The following RAB3C variants were observed in gnomAD, a reference collection of about 807,000 sequenced individuals.
RAB3C encodes ras-related protein Rab-3C.
In RAB3C, 17 loss-of-function variants were observed where a neutral mutation model predicts 26.4. The ratio of observed to expected loss-of-function variants is 0.64; its 90% CI spans 0.44 to 0.97. The LOEUF is 0.97. RAB3C is among the 50% of genes least tolerant of loss of function. RAB3C has a pLI of 0.00. For synonymous variants in RAB3C, 91 were observed against 95.9 expected, an observed-to-expected ratio of 0.95 and a Z score of 0.30; for missense variants, 242 against 281.9, an observed-to-expected ratio of 0.86 and a Z score of 1.01.
intron 3 of RAB3C, among the ~76,000 whole-genome samples, chr5:58,761,061 TCTCACA>T (rs1741787706): frequency 3.2e-5 from 4 of 126,544 alleles, no homozygotes; most frequent in South Asian, 2.5e-4. Context: ...TCTCTCTCTC[TCTCACA>T]CACACACACA....
intron 2 of RAB3C, 79 bp from the exon 3 acceptor site, chr5:58,725,923 C>CT (rs1430420895): frequency 8.5e-6 from 7 of 822,212 alleles, no homozygotes; most frequent in African/African-American, 1.7e-5. Context: ...TATTGTGACT[C>CT]TTTTTGGAAT....
At chr5:58,695,295 G>T (rs545485172) in intron 2 of RAB3C, among the ~76,000 whole-genome samples, 9 of 152,214 alleles carry the variant, frequency 5.9e-5, no homozygotes, top group African/African-American at 2.2e-4. Context: ...CTCTGTTTTG[G>T]TACCATACCA....
chr5:58,707,822 A>G (rs1404332193), intron 2 of RAB3C, among the ~76,000 whole-genome samples: 1 of 152,132 alleles, frequency 6.6e-6, no homozygotes, highest in Middle Eastern at 3.2e-3. Context: ...CTGAAAATGA[A>G]TGATAGGGAA....
chr5:58,760,693 C>T (rs1374305576), intron 3 of RAB3C, among the ~76,000 whole-genome samples: 2 of 152,164 alleles, frequency 1.3e-5, no homozygotes, highest in Non-Finnish European at 2.9e-5. Context: ...ATGAAAAATA[C>T]TGATTATTGA....
chr5:58,611,219 A>G (rs1746693541), intron 1 of RAB3C, among the ~76,000 whole-genome samples: 1 of 150,868 alleles, frequency 6.6e-6, no homozygotes, highest in African/African-American at 2.4e-5. Flanking sequence ...ATAATAGAAC[A>G]ATGTCTGGTC....
At chr5:58,734,642 AC>A (rs1474564107) in intron 3 of RAB3C, among the ~76,000 whole-genome samples, 1 of 152,038 alleles carries the variant, frequency 6.6e-6, no homozygotes, top group Non-Finnish European at 1.5e-5. Context: ...AACTCAAAAC[AC>A]CCTGTTTCCT....
chr5:58,681,645 T>C (rs1449514946), intron 2 of RAB3C, among the ~76,000 whole-genome samples: 1 of 152,190 alleles, frequency 6.6e-6, no homozygotes, highest in African/African-American at 2.4e-5. Context: ...AGAGGAATCA[T>C]TTGTATTTGG....
At chr5:58,839,585 G>A (rs1166407096) in intron 4 of RAB3C, among the ~76,000 whole-genome samples, 3 of 151,906 alleles carry the variant, frequency 2.0e-5, no homozygotes, top group African/African-American at 7.3e-5. Flanking sequence ...GGTTAGGTTG[G>A]TCAAGAACTC....
At chr5:58,612,993 C>G (rs1345525970) in intron 1 of RAB3C, among the ~76,000 whole-genome samples, 1 of 152,038 alleles carries the variant, frequency 6.6e-6, no homozygotes, top group Non-Finnish European at 1.5e-5. Flanking sequence ...CTCATCAGAT[C>G]CACAGAATGG....
intron 3 of RAB3C, among the ~76,000 whole-genome samples, chr5:58,796,249 CT>C (rs1742647514): frequency 1.3e-5 from 2 of 152,158 alleles, no homozygotes; most frequent in Admixed American, 6.5e-5. Flanking sequence ...CTTGGACCAT[CT>C]TTGAAGAAAG....
rs1226842035 is a variant in RAB3C, at chr5:58,661,528, C to T, written c.252+43658C>T. On this transcript the variant is annotated intron_variant, in intron 2 of 4. Coordinates refer to ENST00000282878, the MANE Select transcript of RAB3C (RefSeq NM_138453.4). ...TCCAATAATTTAAGGGTTAAAGACCCATTGGAGCAAATGACAATGCAGCTG... is the reference window on the plus strand; with the variant it reads ...TCCAATAATTTAAGGGTTAAAGACCTATTGGAGCAAATGACAATGCAGCTG... Among the ~76,000 whole-genome samples, 6 of 148,880 alleles carry T rather than the reference C, an allele frequency of 4.0e-5. 1 individual carries two copies. The highest frequency in any genetic ancestry group is 1.6e-4 in the African/African-American group (6 of 38,606).
chr5:58,770,659 ACCTTGGG>A (rs1294408103), intron 3 of RAB3C, among the ~76,000 whole-genome samples: 3 of 152,136 alleles, frequency 2.0e-5, no homozygotes, highest in Non-Finnish European at 4.4e-5. Context: ...TTCTTTAAAA[ACCTTGGG>A]ATCTCTTTAA....
chr5:58,643,365 G>A (rs1451902726), intron 2 of RAB3C, among the ~76,000 whole-genome samples: 3 of 152,190 alleles, frequency 2.0e-5, no homozygotes, highest in East Asian at 1.9e-4. Flanking sequence ...AATGACATAA[G>A]TATCAGTTGG....
chr5:58,701,433 C>T (rs1748840444), intron 2 of RAB3C, among the ~76,000 whole-genome samples: 1 of 152,176 alleles, frequency 6.6e-6, no homozygotes, highest in Non-Finnish European at 1.5e-5. Context: ...GTTTACTTAT[C>T]TCTCCCAGGA....
intron 3 of RAB3C, among the ~76,000 whole-genome samples, chr5:58,728,975 C>G (rs1561302441): frequency 6.6e-6 from 1 of 151,916 alleles, no homozygotes; most frequent in Non-Finnish European, 1.5e-5. Context: ...TTTAAAAAGT[C>G]TATTTACTTT....
intron 2 of RAB3C, among the ~76,000 whole-genome samples, chr5:58,690,965 G>C (rs148905735): frequency 6.6e-6 from 1 of 152,170 alleles, no homozygotes; most frequent in East Asian, 1.9e-4. Flanking sequence ...TATCATTGAT[G>C]ATAGCTTACA....
rs138096246 is a variant in RAB3C, at chr5:58,774,134, G to C, written c.371+48014G>C. ...ACCCCTACTCCCTAGTGTAGCACCT[G>C]AGACATAGTATGTTGAAATGGATCA... On this transcript the variant is annotated intron_variant, in intron 3 of 4. Transcript: ENST00000282878. Among the ~76,000 whole-genome samples the C allele has an allele frequency of 9.2e-5, 14 of 152,226 alleles. No homozygotes were observed. In the East Asian group the frequency reaches 2.7e-3, roughly 29 times the overall value.
At chr5:58,716,772 C>T (rs1164108278) in intron 2 of RAB3C, among the ~76,000 whole-genome samples, 3 of 144,738 alleles carry the variant, frequency 2.1e-5, no homozygotes, top group Non-Finnish European at 4.5e-5. Context: ...GAATAGATCT[C>T]ATAGTATTTC....
intron 3 of RAB3C, among the ~76,000 whole-genome samples, chr5:58,780,065 T>A (rs1250358879): frequency 2.6e-5 from 4 of 152,080 alleles, no homozygotes; most frequent in African/African-American, 9.7e-5. Context: ...CAGAAAGGTA[T>A]TTCCTACTGG....
Sources: gnomAD v4.1 joint callset for allele counts (sites outside exome capture counted in the v4.1 genomes callset) on GRCh38, gnomAD v4.1.1 for gene constraint, MANE v1.5 for transcripts, NCBI Gene and HGNC (gene_info 2026-07-23, HGNC 2026-07-21) for gene names.